The following TRPM6 variants were observed in gnomAD, a reference collection of about 807,000 sequenced individuals.
The protein encoded by TRPM6 is transient receptor potential cation channel subfamily M member 6, also known as channel kinase 2.
TRPM6 carries 111 observed loss-of-function variants against 247.6 expected under a neutral mutation model. The ratio of observed to expected loss-of-function variants is 0.45; its 90% confidence interval spans 0.38 to 0.52. The LOEUF (loss-of-function observed/expected upper bound fraction) is 0.52, where lower values mean the gene tolerates loss of function less well. TRPM6 is among the 20% of genes least tolerant of loss of function. The pLI is 0.00. For missense variants in TRPM6, 2,126 were observed against 2,421.5 expected (o/e 0.88, Z 2.56); for synonymous variants, 892 against 853.8 (o/e 1.04, Z -0.78).
intron 16 of TRPM6, among the ~76,000 whole-genome samples, chr9:74,800,881 C>T: frequency 6.7e-6 from 1 of 150,104 alleles, no homozygotes; most frequent in South Asian, 2.1e-4. Flanking sequence ...TTTGGGACTC[C>T]CTGATAAGAC....
chr9:74,868,696 G>T (rs1010807416), intron 1 of TRPM6, among the ~76,000 whole-genome samples: 1 of 152,164 alleles, frequency 6.6e-6, no homozygotes, highest in Non-Finnish European at 1.5e-5. Context: ...TGGAATTTAT[G>T]AAAGTTCTTG....
At chr9:74,808,317 A>G in intron 13 of TRPM6, 143 bp from the exon 14 acceptor site, 1 of 1,030,934 alleles carries the variant, frequency 9.7e-7, no homozygotes, top group South Asian at 1.4e-5. Context: ...AATTTAAGTG[A>G]CCAGCCATTG....
rs749271916 is a variant in TRPM6, at chr9:74,738,422, C to G, written c.5761G>C (p.Val1921Leu). 3.7e-6 allele frequency: 6 copies of G among 1,613,954 alleles called. No individual in the cohort carries two copies. The Admixed American group carries it at 8.3e-5, about 22-fold the overall frequency. The stretch of plus-strand genomic sequence containing the variant: ...CATCAATCACCTTGCAAATCTAAAA[C>G]CAGCAGCTCTCCCCGAGTGTACTCA... ...TYEYTRGELLVLDLQGVGENL... is the reference protein window; with the variant it reads ...TYEYTRGELLLLDLQGVGENL... The change falls in exon 36 of 39, where the codon GTT becomes CTT. Residue 1921 changes from valine to leucine, a missense_variant. Transcript: ENST00000360774.
At chr9:74,779,943 G>A (rs890390186) in intron 23 of TRPM6, among the ~76,000 whole-genome samples, 1 of 152,172 alleles carries the variant, frequency 6.6e-6, no homozygotes, top group Non-Finnish European at 1.5e-5. Flanking sequence ...GGAGGCCAAG[G>A]TGGGCGGATC....
chr9:74,745,999 T>C (rs973364232), intron 31 of TRPM6, among the ~76,000 whole-genome samples: 5 of 152,064 alleles, frequency 3.3e-5, no homozygotes, highest in Admixed American at 6.5e-5. Context: ...TCCCAAAACT[T>C]TGGGAGGCCG....
chr9:74,752,485 TC>T (rs1826283066), intron 28 of TRPM6, 117 bp from the exon 29 acceptor site: 3 of 660,504 alleles, frequency 4.5e-6, no homozygotes, highest in Non-Finnish European at 7.8e-6. Flanking sequence ...GATATAGTTT[TC>T]CCTTTCTGTT....
At chr9:74,823,271 C>G (rs927517350) in intron 7 of TRPM6, among the ~76,000 whole-genome samples, 2 of 152,152 alleles carry the variant, frequency 1.3e-5, no homozygotes, top group Non-Finnish European at 2.9e-5. Context: ...TGCTCCCTCC[C>G]CAGCTTACTA....
chr9:74,868,470 G>T (rs1030625204), intron 1 of TRPM6, among the ~76,000 whole-genome samples: 2 of 151,938 alleles, frequency 1.3e-5, no homozygotes. Context: ...ACTCCAGCCT[G>T]GTCGACAGAG....
At chr9:74,782,325 C>A in intron 23 of TRPM6, 37 bp downstream of exon 23, 2 of 1,494,164 alleles carry the variant, frequency 1.3e-6, no homozygotes, top group African/African-American at 1.4e-5. Flanking sequence ...GCCCACATTT[C>A]TTATTTAAAT....
chr9:74,731,438 G>A (rs1216946689), intron 37 of TRPM6, among the ~76,000 whole-genome samples: 4 of 151,668 alleles, frequency 2.6e-5, no homozygotes, highest in Non-Finnish European at 4.4e-5. Context: ...GTGGTAACAC[G>A]GTCTCCACAG....
At chr9:74,795,944 T>C (rs1828081456) in intron 18 of TRPM6, among the ~76,000 whole-genome samples, 2 of 152,168 alleles carry the variant, frequency 1.3e-5, no homozygotes, top group Admixed American at 1.3e-4. Context: ...TATTACCCAC[T>C]ATTACCACAA....
At position 74,836,445 on chromosome 9, in the gene TRPM6, G is replaced by C. The variant is rs1056355429; in HGVS notation, c.545-2323C>G. On this transcript the variant is annotated intron_variant, in intron 5 of 38. Transcript: ENST00000360774. Reference sequence around the variant, plus strand: ...CAACTCATTTTCTGACCCTCTCCCAGAGCCATCTCTAGAACCTGGGATCTG... The same window carrying C: ...CAACTCATTTTCTGACCCTCTCCCACAGCCATCTCTAGAACCTGGGATCTG... Among the ~76,000 whole-genome samples, 4 of 152,180 alleles carry C rather than the reference G, an allele frequency of 2.6e-5. No homozygotes were observed. In the South Asian group the frequency reaches 6.2e-4, roughly 24 times the overall value.
intron 1 of TRPM6, among the ~76,000 whole-genome samples, chr9:74,863,048 G>T (rs1830738123): frequency 6.6e-6 from 1 of 151,552 alleles, no homozygotes; most frequent in Non-Finnish European, 1.5e-5. Flanking sequence ...TTTTTGTTTG[G>T]TTTTGTTTTG....
intron 32 of TRPM6, among the ~76,000 whole-genome samples, 178 bp downstream of exon 32, chr9:74,743,917 G>A (rs1234275910): frequency 2.0e-5 from 3 of 152,162 alleles, no homozygotes; most frequent in Non-Finnish European, 4.4e-5. Flanking sequence ...CTGAAAACTT[G>A]TTTTCCCAAG....
chr9:74,729,265 A>T (rs924233494), intron 37 of TRPM6, among the ~76,000 whole-genome samples: 1 of 152,236 alleles, frequency 6.6e-6, no homozygotes, highest in Non-Finnish European at 1.5e-5. Context: ...GAAAAAAGAA[A>T]AGCAAACTAT....
At chr9:74,795,625 C>A (rs78058561) in intron 18 of TRPM6, among the ~76,000 whole-genome samples, 352 of 152,290 alleles carry the variant, frequency 2.3e-3, no homozygotes, top group African/African-American at 8.2e-3. Flanking sequence ...AAAACTGTCA[C>A]TAACCCCTAA....
intron 6 of TRPM6, among the ~76,000 whole-genome samples, chr9:74,831,103 A>G (rs1029618978): frequency 2.0e-5 from 3 of 152,180 alleles, no homozygotes; most frequent in Non-Finnish European, 4.4e-5. Context: ...ATGGACAATA[A>G]TAGAGGAATC....
chr9:74,754,335 TA>T (rs1239697073), intron 28 of TRPM6, among the ~76,000 whole-genome samples: 1 of 152,192 alleles, frequency 6.6e-6, no homozygotes, highest in African/African-American at 2.4e-5. Flanking sequence ...TGAGTATTTT[TA>T]AACATAAAAT....
At chr9:74,882,944 C>T (rs954279888) in intron 1 of TRPM6, among the ~76,000 whole-genome samples, 5 of 152,144 alleles carry the variant, frequency 3.3e-5, no homozygotes, top group Admixed American at 6.5e-5. Context: ...AGTATATTCA[C>T]ATTGTTGTGC....
Sources: allele counts gnomAD v4.1 joint callset (sites outside exome capture counted in the v4.1 genomes callset), GRCh38; gene constraint gnomAD v4.1.1; transcripts MANE v1.5; gene names NCBI Gene and HGNC (gene_info 2026-07-23, HGNC 2026-07-21).